MTCL1: variants seen among roughly 807,000 people sequenced by gnomAD.
MTCL1 encodes microtubule crosslinking factor 1, also known as microtubule cross-linking factor 1.
MTCL1 carries 79 observed loss-of-function variants against 141.4 expected under a neutral mutation model. The ratio of observed to expected loss-of-function variants is 0.56; its 90% CI spans 0.47 to 0.67. The LOEUF (loss-of-function observed/expected upper bound fraction) is 0.67. MTCL1 is among the 30% of genes least tolerant of loss of function. The pLI is 0.00. For missense variants in MTCL1, 2,177 were observed against 2,113.9 expected (o/e 1.03, Z -0.59); for synonymous variants, 914 against 875.8 (o/e 1.04, Z -0.77).
intron 16 of MTCL1, chr18:8,829,904 T>A (rs1020112231): frequency 5.3e-5 from 52 of 985,052 alleles, no homozygotes; most frequent in Non-Finnish European, 5.5e-5. Context: ...CAGTGATTCT[T>A]CCTTCACAAG....
chr18:8,737,860 G>T (rs1453143944), intron 4 of MTCL1, among the ~76,000 whole-genome samples: 1 of 152,158 alleles, frequency 6.6e-6, no homozygotes, highest in Non-Finnish European at 1.5e-5. Context: ...TTGGCCGGTG[G>T]GCTGGCTTTC....
chr18:8,738,470 A>G (rs1427391472), intron 4 of MTCL1, among the ~76,000 whole-genome samples: 1 of 152,208 alleles, frequency 6.6e-6, no homozygotes, highest in African/African-American at 2.4e-5. Context: ...GTGCTCTTTC[A>G]TATTTTGAGA....
chr18:8,824,834 C>T (rs1333087748), exon 15 of MTCL1: 2 of 1,614,154 alleles, frequency 1.2e-6, no homozygotes, highest in Non-Finnish European at 1.7e-6. Context: ...ACCTCAAGTA[C>T]ATCGAGGAGT....
chr18:8,775,176 C>T (rs2096501535), intron 4 of MTCL1, among the ~76,000 whole-genome samples: 1 of 152,180 alleles, frequency 6.6e-6, no homozygotes, highest in Non-Finnish European at 1.5e-5. Flanking sequence ...CACTGCGGGC[C>T]CTGATCGCTA....
intron 10 of MTCL1, among the ~76,000 whole-genome samples, chr18:8,798,545 A>T (rs1483186034): frequency 6.6e-6 from 1 of 152,212 alleles, no homozygotes; most frequent in African/African-American, 2.4e-5. Context: ...GTAAGGGCAG[A>T]TCAATGCTGC....
intron 10 of MTCL1, chr18:8,800,578 T>A (rs1421130078): frequency 6.6e-6 from 1 of 152,270 alleles, no homozygotes; most frequent in Non-Finnish European, 1.5e-5. Context: ...CTGGGCGCTT[T>A]AGAGCCACAG....
At chr18:8,821,846 G>A (rs564601060) in intron 14 of MTCL1, among the ~76,000 whole-genome samples, 41 of 152,284 alleles carry the variant, frequency 2.7e-4, no homozygotes, top group African/African-American at 9.4e-4. Context: ...TCTTTTGTAT[G>A]CTGTGAGATG....
At chr18:8,766,126 C>T (rs2096458502) in intron 4 of MTCL1, among the ~76,000 whole-genome samples, 1 of 152,178 alleles carries the variant, frequency 6.6e-6, no homozygotes. Flanking sequence ...AGATTGGTGT[C>T]ATTTAGAAGA....
chr18:8,753,106 C>T (rs1034140993), intron 4 of MTCL1, among the ~76,000 whole-genome samples: 7 of 152,166 alleles, frequency 4.6e-5, no homozygotes, highest in African/African-American at 1.2e-4. Context: ...CAAATAATCC[C>T]GAACTTCTGG....
rs182873826 is a variant in MTCL1 at position 8,817,855 on chromosome 18, G to A, written c.2860-1108G>A. On this transcript the variant is annotated intron_variant, in intron 12 of 16. Transcript: ENST00000359865. ...AAGGCACCATTAAAGATTCATAGGC[G>A]GAAATAGCTTCAGGTCTCAGTTGTG... Among the ~76,000 whole-genome samples, 956 of 152,264 alleles carry A rather than the reference G, an allele frequency of 6.3e-3. 6 individuals are homozygous for A. The highest frequency in any genetic ancestry group is 0.022 in the African/African-American group (916 of 41,552).
chr18:8,767,696 A>T (rs572229001), intron 4 of MTCL1, among the ~76,000 whole-genome samples: 2 of 151,952 alleles, frequency 1.3e-5, no homozygotes, highest in African/African-American at 2.4e-5. Context: ...GAGGTGTGGG[A>T]TGTTTGCATT....
intron 4 of MTCL1, among the ~76,000 whole-genome samples, chr18:8,755,249 A>G (rs2096391246): frequency 6.6e-6 from 1 of 152,222 alleles, no homozygotes; most frequent in South Asian, 2.1e-4. Context: ...TTCTCCTGCC[A>G]AGGTCGCAGG....
chr18:8,831,884 A>G (rs1340991138), exon 17 of MTCL1: 2 of 1,466,124 alleles, frequency 1.4e-6, no homozygotes, highest in African/African-American at 1.4e-5. Context: ...TCTGCCCAAC[A>G]GGAGAGATCT....
At chr18:8,796,534 C>T (rs1449411239) in intron 9 of MTCL1, 72 bp downstream of exon 8, 16 of 1,408,344 alleles carry the variant, frequency 1.1e-5, no homozygotes, top group Admixed American at 5.3e-5. Context: ...TTTCTCCTCA[C>T]CCACCCTACA....
chr18:8,800,691 G>A (rs1326106679), intron 10 of MTCL1: 3 of 152,216 alleles, frequency 2.0e-5, no homozygotes, highest in African/African-American at 4.8e-5. Flanking sequence ...ACGCCACTGC[G>A]TTAAGCATTT....
At chr18:8,821,376 G>C in intron 13 of MTCL1, 91 bp from the exon 13 acceptor site, 1 of 792,170 alleles carries the variant, frequency 1.3e-6, no homozygotes, top group Non-Finnish European at 2.1e-6. Context: ...GGTTTCCTGG[G>C]GGTGCAGAGC....
exon 15 of MTCL1, chr18:8,826,055 G>A (rs1454612887): frequency 1.2e-6 from 2 of 1,611,942 alleles, no homozygotes; most frequent in Non-Finnish European, 1.7e-6. Flanking sequence ...CGCCAGTGAA[G>A]CAGGACTTAT....
intron 4 of MTCL1, among the ~76,000 whole-genome samples, chr18:8,766,491 G>GT (rs2096460624): frequency 1.3e-5 from 2 of 152,252 alleles, no homozygotes; most frequent in South Asian, 4.1e-4. Flanking sequence ...AAAGGCTGCA[G>GT]TGAAAACACC....
chr18:8,770,334 G>A (rs1423550722), intron 4 of MTCL1, among the ~76,000 whole-genome samples: 2 of 152,200 alleles, frequency 1.3e-5, no homozygotes, highest in African/African-American at 4.8e-5. Context: ...TTGGGCTGCT[G>A]TAACAAAATA....
Sources: allele counts gnomAD v4.1 joint callset (sites outside exome capture counted in the v4.1 genomes callset), GRCh38; gene constraint gnomAD v4.1.1; transcripts MANE v1.5; gene names NCBI Gene and HGNC (gene_info 2026-07-23, HGNC 2026-07-21).